Variants in USB1 observed in about 807,000 individuals in gnomAD.
USB1 encodes the protein U6 snRNA biogenesis phosphodiesterase 1.
A neutral mutation model predicts 29.9 loss-of-function variants in USB1; 21 were observed. The ratio of observed to expected loss-of-function variants is 0.70; its 90% CI spans 0.50 to 1.01. The LOEUF is 1.01. USB1 is among the 50% of genes least tolerant of loss of function. USB1 has a pLI of 0.00. For synonymous variants in USB1, 143 were observed against 134.9 expected, an observed-to-expected ratio of 1.06 and a Z score of -0.42; for missense variants, 330 against 347.1, an observed-to-expected ratio of 0.95 and a Z score of 0.39.
chr16:58,011,993 CT>C, intron 3 of USB1: 9 of 1,119,058 alleles, frequency 8.0e-6, no homozygotes, highest in Non-Finnish European at 9.8e-6. Context: ...TCAGCAGAGC[CT>C]TTTTTCAAAT....
upstream of USB1, among the ~76,000 whole-genome samples, chr16:58,000,163 G>A (rs1963132071): frequency 6.6e-6 from 1 of 152,152 alleles, no homozygotes. The surrounding 1 kb of genome is among the most constrained non-coding windows in gnomAD (Gnocchi z 4.5). Flanking sequence ...GGGATGGCCC[G>A]GCCGCTGCGA....
chr16:58,006,457 A>G (rs1963360766), intron 2 of USB1, among the ~76,000 whole-genome samples: 1 of 139,242 alleles, frequency 7.2e-6, no homozygotes, highest in African/African-American at 2.7e-5. Flanking sequence ...CAGGAGTTCA[A>G]GACCAGCCTG....
intron 3 of USB1, 75 bp downstream of exon 3, chr16:58,010,187 C>T (rs1963460187): frequency 2.5e-6 from 4 of 1,574,916 alleles, no homozygotes; most frequent in Non-Finnish European, 3.5e-6. Context: ...CTACTGCGGG[C>T]ATTACCCCAG....
intron 4 of USB1, 48 bp from the exon 5 acceptor site, chr16:58,017,286 T>C (rs1379912119): frequency 5.1e-6 from 8 of 1,564,400 alleles, no homozygotes; most frequent in African/African-American, 1.4e-5. Context: ...CAGATGGCTG[T>C]GTTCTCAGAG....
At chr16:58,010,932 T>C in intron 3 of USB1, 2 of 697,248 alleles carry the variant, frequency 2.9e-6, no homozygotes, top group Non-Finnish European at 5.2e-6. Flanking sequence ...TAACTCAGTC[T>C]CTAGCTTCCC....
rs777694507 is a variant in USB1, at chr16:58,010,030, C to T, written c.367C>T (p.Leu123=). 4 of 1,614,130 alleles carry T rather than the reference C, an allele frequency of 2.5e-6. No homozygotes were observed. In the South Asian group the frequency reaches 4.4e-5, roughly 18 times the overall value. Residue 123 remains leucine, a synonymous_variant, in exon 3 of 7, where the codon CTG becomes TTG. Coordinates refer to ENST00000219281, the MANE Select transcript of USB1 (RefSeq NM_024598.4). The stretch of plus-strand genomic sequence containing the variant: ...AAGGATGAAGGTGTTCCACCTCAGC[C>T]TGTCCCAGAGTGTGGTTCTGCGCCA... ...LVRMKVFHLS[L]SQSVVLRHHW...
At position 58,010,762 on chromosome 16, in the gene USB1, T is replaced by C. The variant is rs9673577; in HGVS notation, c.449+650T>C. 6.2e-3 allele frequency: 3,211 copies of C among 517,778 alleles called. 85 individuals carry two copies. Among genetic ancestry groups the C allele is most frequent in the African/African-American group, 0.058 (3,011 of 52,362 alleles). 32.1% of individuals were successfully genotyped at this position (517,778 alleles called of 1,614,324 possible). ...AGATGAAGAGATAGGTAGGGTGAGG[T>C]CTGGAAGGGTCCCGAGCATGGGAGC... On this transcript the variant is annotated intron_variant, in intron 3 of 6. Transcript: ENST00000219281.
At chr16:58,015,480 T>C (rs1963594677) in intron 4 of USB1, 1 of 152,236 alleles carries the variant, frequency 6.6e-6, no homozygotes, top group Non-Finnish European at 1.5e-5. Flanking sequence ...GCCTCATTTA[T>C]TCATTCATTT....
intron 4 of USB1, among the ~76,000 whole-genome samples, chr16:58,014,688 T>C (rs879892689): frequency 1.8e-4 from 27 of 152,058 alleles, no homozygotes; most frequent in Non-Finnish European, 3.2e-4. Flanking sequence ...GAGGCTGAGA[T>C]GGGAGGATCG....
Position 58,020,550 on chromosome 16 carries a change from TCTCCTCCCCTC to T in USB1, c.*309_*319del, listed in dbSNP as rs747135009. 6,235 of 304,414 alleles carry T rather than the reference TCTCCTCCCCTC, an allele frequency of 0.02. 98 individuals are homozygous for T. Among genetic ancestry groups the T allele is most frequent in the Non-Finnish European group, 0.028 (4,893 of 176,936 alleles). The allele number at this position is 304,414 out of a possible 1,614,324, so 18.9% of individuals were successfully genotyped here. Reference sequence around the variant, plus strand: ...CTCTTCTCTCTCTTCCCCTCCTGTCTCTCCTCCCCTCCTCTCTTCCTCTCCTCTCTCTTCCT... The same window carrying T: ...CTCTTCTCTCTCTTCCCCTCCTGTCTCTCTCTTCCTCTCCTCTCTCTTCCT... On this transcript the variant is annotated 3_prime_UTR_variant, in exon 7 of 7. Coordinates refer to ENST00000219281, the MANE Select transcript of USB1 (RefSeq NM_024598.4).
chr16:58,011,297 G>T (rs1347767301), intron 3 of USB1: 9 of 1,426,258 alleles, frequency 6.3e-6, no homozygotes, highest in Non-Finnish European at 8.2e-6. Flanking sequence ...GGGGCCTATG[G>T]GGGTGAAAGG....
At chr16:58,012,735 G>A in intron 3 of USB1, 1 of 1,066,514 alleles carries the variant, frequency 9.4e-7, no homozygotes, top group Non-Finnish European at 1.1e-6. Flanking sequence ...CCTGGATGAA[G>A]GAGGAGAGCG....
intron 3 of USB1, chr16:58,012,800 A>G: frequency 1.0e-6 from 1 of 1,001,116 alleles, no homozygotes; most frequent in East Asian, 1.0e-4. Flanking sequence ...AGACAGCATG[A>G]ACTGCACCCC....
chr16:58,014,367 C>A (rs754028480), intron 4 of USB1, 41 bp downstream of exon 4: 2 of 1,559,750 alleles, frequency 1.3e-6, no homozygotes, highest in Non-Finnish European at 1.8e-6. Context: ...GAGGAAGATT[C>A]TTTGGTGCAA....
In USB1 at chr16:58,010,896, T is replaced by C. The variant is rs933462870; in HGVS notation, c.449+784T>C. On this transcript the variant is annotated intron_variant, in intron 3 of 6. Transcript: ENST00000219281. Reference sequence around the variant, plus strand: ...TGTAGTTCCAAATTTTTACGGAGGCTTCATCACATAGGCATGATGGATTAT... The same window carrying C: ...TGTAGTTCCAAATTTTTACGGAGGCCTCATCACATAGGCATGATGGATTAT... 22 of 666,626 alleles carry C rather than the reference T, an allele frequency of 3.3e-5. No individual in the cohort carries two copies. In the African/African-American group the frequency reaches 3.4e-4, roughly 10 times the overall value. The allele number at this position is 666,626 out of a possible 1,614,324, so 41.3% of individuals were successfully genotyped here.
chr16:58,016,315 C>T (rs1232008156), intron 4 of USB1: 1 of 152,218 alleles, frequency 6.6e-6, no homozygotes, highest in Non-Finnish European at 1.5e-5. Context: ...TGATAAGAGA[C>T]ACTGGTGGGA....
At chr16:58,016,980 G>A (rs904851652) in intron 4 of USB1, 1 of 338,350 alleles carries the variant, frequency 3.0e-6, no homozygotes, top group Non-Finnish European at 5.7e-6. Context: ...CTCGAGAAGA[G>A]GCCTCCTTGA....
In USB1 at chr16:58,013,056, G is replaced by T; in HGVS notation, c.450-1217G>T. 1 of 985,554 alleles carries T rather than the reference G, an allele frequency of 1.0e-6. No homozygotes were observed. Among genetic ancestry groups the T allele is most frequent in the Non-Finnish European group, 1.2e-6 (1 of 830,046 alleles). The allele number at this position is 985,554 out of a possible 1,614,324, so 61.1% of individuals were successfully genotyped here. On this transcript the variant is annotated intron_variant, in intron 3 of 6. Coordinates refer to ENST00000219281, the MANE Select transcript of USB1 (RefSeq NM_024598.4). This position sits in a 1 kb window ranked among gnomAD's most constrained non-coding sequence, Gnocchi z 4.3. ...AGTGAAGCCCGGGCAGGTGTGGTCTGTTCAACTTTGATCATCTGGTTGAGC... is the reference window on the plus strand; with the variant it reads ...AGTGAAGCCCGGGCAGGTGTGGTCTTTTCAACTTTGATCATCTGGTTGAGC...
intron 2 of USB1, among the ~76,000 whole-genome samples, chr16:58,004,989 C>T (rs916804298): frequency 2.0e-5 from 3 of 152,184 alleles, no homozygotes; most frequent in Admixed American, 6.5e-5. Context: ...GACAAGGTTA[C>T]GTGAGTCACG....
Sources: allele counts gnomAD v4.1 joint callset (sites outside exome capture counted in the v4.1 genomes callset), GRCh38; gene constraint gnomAD v4.1.1; non-coding constraint Gnocchi (gnomAD v3.1); transcripts MANE v1.5; gene names NCBI Gene and HGNC (gene_info 2026-07-23, HGNC 2026-07-21).